The following CADM3 variants were observed in gnomAD, a reference collection of about 807,000 sequenced individuals.
CADM3 encodes TSLC1-like 1.
A neutral mutation model predicts 44.9 loss-of-function variants in CADM3; 11 were observed. The ratio of observed to expected loss-of-function variants is 0.25; its 90% CI spans 0.15 to 0.41. CADM3 has a LOEUF of 0.41. Ranked by LOEUF, CADM3 falls within the 10% of genes least tolerant of loss-of-function variation. The probability of loss-of-function intolerance (pLI) is 1.00; values close to 1 mark genes in which losing one functional copy is unlikely to be tolerated. For synonymous variants in CADM3, 207 were observed against 205.2 expected (o/e 1.01, Z -0.08); for missense variants, 426 against 512.0 (o/e 0.83, Z 1.62).
intron 5 of CADM3, 67 bp downstream of exon 5, chr1:159,194,107 C>G (rs886386636): frequency 4.9e-5 from 73 of 1,495,150 alleles, no homozygotes; most frequent in Non-Finnish European, 6.6e-5. Context: ...AAAGAGAATG[C>G]AGGTGACTGT....
intron 1 of CADM3, chr1:159,189,686 C>G: frequency 4.8e-6 from 5 of 1,047,944 alleles, no homozygotes; most frequent in Non-Finnish European, 7.1e-6. Flanking sequence ...CCTAGCCTTT[C>G]CCACATGCCC....
chr1:159,198,094 C>G (rs1482534775), intron 7 of CADM3: 1 of 152,230 alleles, frequency 6.6e-6, no homozygotes, highest in Admixed American at 6.5e-5. Context: ...TGCTGATCTC[C>G]CCTCTGCTTT....
At chr1:159,191,085 T>A (rs1649640379) in intron 1 of CADM3, among the ~76,000 whole-genome samples, 1 of 152,226 alleles carries the variant, frequency 6.6e-6, no homozygotes, top group African/African-American at 2.4e-5. Flanking sequence ...CCGGTAGGCG[T>A]GACCAGAAGG....
chr1:159,190,695 A>G (rs1649620830), intron 1 of CADM3, among the ~76,000 whole-genome samples: 1 of 152,214 alleles, frequency 6.6e-6, no homozygotes, highest in African/African-American at 2.4e-5. Flanking sequence ...GGGAGCACCC[A>G]TTGGCTATTT....
chr1:159,198,790 G>T (rs553236350), intron 7 of CADM3, among the ~76,000 whole-genome samples: 1 of 152,078 alleles, frequency 6.6e-6, no homozygotes, highest in Non-Finnish European at 1.5e-5. Flanking sequence ...TGCCACACCC[G>T]GCCCAGTCTG....
intron 1 of CADM3, among the ~76,000 whole-genome samples, chr1:159,190,227 A>G (rs1649591209): frequency 6.6e-6 from 1 of 152,218 alleles, no homozygotes; most frequent in South Asian, 2.1e-4. Flanking sequence ...AAAAATTGGC[A>G]CGTGGCTATG....
chr1:159,199,529 G>A (rs1196237296), intron 7 of CADM3, among the ~76,000 whole-genome samples: 1 of 152,110 alleles, frequency 6.6e-6, no homozygotes, highest in African/African-American at 2.4e-5. Flanking sequence ...GACTAGGTAT[G>A]GGCAGATTTA....
intron 1 of CADM3, among the ~76,000 whole-genome samples, chr1:159,173,796 CG>C (rs1648916667): frequency 6.6e-6 from 1 of 152,112 alleles, no homozygotes; most frequent in Non-Finnish European, 1.5e-5. Flanking sequence ...GAGAGAAAGA[CG>C]TCATCCAGAA....
chr1:159,191,071 C>T (rs757688014), intron 1 of CADM3, among the ~76,000 whole-genome samples: 3 of 152,190 alleles, frequency 2.0e-5, no homozygotes, highest in Admixed American at 6.5e-5. Flanking sequence ...GCCTGAGGGG[C>T]TCCCCGGTAG....
In CADM3 at chr1:159,171,652, A is replaced by G. The variant is rs1316586911; in HGVS notation, c.-114A>G. The G allele has an allele frequency of 6.6e-6, 5 of 754,798 alleles. No individual in the cohort carries two copies. Among genetic ancestry groups the G allele is most frequent in the Non-Finnish European group, 9.0e-6 (5 of 553,638 alleles). 46.8% of individuals were successfully genotyped at this position (754,798 alleles called of 1,614,324 possible). A position where few individuals can be genotyped will look rare whatever the true frequency, so the allele number is the denominator to read the frequency against. Reference sequence around the variant, plus strand: ...GTCCCCACCTCGGCCCCGGGCTCCGAAGCGGCTCGGGGGCGCCCTTTCGGT... The same window carrying G: ...GTCCCCACCTCGGCCCCGGGCTCCGGAGCGGCTCGGGGGCGCCCTTTCGGT... On this transcript the variant is annotated 5_prime_UTR_variant, in exon 1 of 9. Transcript: ENST00000368125.
intron 1 of CADM3, among the ~76,000 whole-genome samples, chr1:159,185,961 A>G (rs1329943550): frequency 6.6e-6 from 1 of 152,256 alleles, no homozygotes; most frequent in African/African-American, 2.4e-5. Context: ...GCATAATTTA[A>G]GAAAAAGCAG....
intron 1 of CADM3, among the ~76,000 whole-genome samples, chr1:159,191,522 TC>T (rs1418222233): frequency 6.6e-6 from 1 of 152,206 alleles, no homozygotes; most frequent in African/African-American, 2.4e-5. Flanking sequence ...CTGTTCTTGT[TC>T]TTATATGTAG....
intron 1 of CADM3, among the ~76,000 whole-genome samples, chr1:159,183,731 G>A (rs1022132697): frequency 2.0e-5 from 3 of 152,156 alleles, no homozygotes; most frequent in South Asian, 2.1e-4. Flanking sequence ...CTCCCACCCC[G>A]TATGGCTCAG....
chr1:159,194,151 T>A, intron 5 of CADM3, 111 bp downstream of exon 5: 1 of 1,191,004 alleles, frequency 8.4e-7, no homozygotes, highest in Non-Finnish European at 1.2e-6. Context: ...AGTGAATAGG[T>A]AAAAAATGAA....
intron 5 of CADM3, 45 bp downstream of exon 5, chr1:159,194,085 A>C (rs1259227365): frequency 1.3e-6 from 2 of 1,565,798 alleles, no homozygotes; most frequent in African/African-American, 2.7e-5. Flanking sequence ...GTATGAGATG[A>C]GGACCAGGGA....
At chr1:159,193,817 C>G (rs1649774773) in intron 4 of CADM3, 53 bp from the exon 5 acceptor site, 2 of 1,596,690 alleles carry the variant, frequency 1.3e-6, no homozygotes, top group Non-Finnish European at 1.7e-6. Flanking sequence ...GTTAGGTTTA[C>G]TCTGTGTCTC....
At chr1:159,175,314 G>C (rs568488820) in intron 1 of CADM3, among the ~76,000 whole-genome samples, 39 of 152,352 alleles carry the variant, frequency 2.6e-4, no homozygotes, top group African/African-American at 9.1e-4. Context: ...TTGCATAGCA[G>C]AGTTTAGTTA....
intron 1 of CADM3, among the ~76,000 whole-genome samples, chr1:159,177,497 T>C (rs578196832): frequency 6.6e-6 from 1 of 152,282 alleles, no homozygotes; most frequent in East Asian, 1.9e-4. Context: ...CAGGCTTTTC[T>C]TGTTGCTCTC....
intron 1 of CADM3, among the ~76,000 whole-genome samples, chr1:159,180,356 T>C (rs1276536571): frequency 6.6e-6 from 1 of 152,138 alleles, no homozygotes; most frequent in Admixed American, 6.6e-5. Flanking sequence ...AATATGCATC[T>C]ATCTTAGGGA....
Sources: allele counts gnomAD v4.1 joint callset (sites outside exome capture counted in the v4.1 genomes callset), GRCh38; gene constraint gnomAD v4.1.1; transcripts MANE v1.5; gene names NCBI Gene and HGNC (gene_info 2026-07-23, HGNC 2026-07-21).